The following LRRC4C variants were observed in gnomAD, a reference collection of about 807,000 sequenced individuals.
LRRC4C encodes leucine rich repeat containing 4C.
A neutral mutation model predicts 33.6 loss-of-function variants in LRRC4C; 5 were observed. The observed-to-expected ratio is 0.15, with a 90% CI of 0.08 to 0.31. The LOEUF (loss-of-function observed/expected upper bound fraction) is 0.31, where lower values mean the gene tolerates loss of function less well. LRRC4C is among the 10% of genes least tolerant of loss of function. The pLI is 1.00. For missense variants in LRRC4C, 560 were observed against 796.7 expected (o/e 0.70, Z 3.58); for synonymous variants, 329 against 302.0 (o/e 1.09, Z -0.93).
chr11:40,597,898 C>G (rs947031553), intron 3 of LRRC4C, among the ~76,000 whole-genome samples: 1 of 152,132 alleles, frequency 6.6e-6, no homozygotes, highest in African/African-American at 2.4e-5. Flanking sequence ...ATTTTTGGCC[C>G]TGAAAATGTT....
At chr11:40,318,622 T>G in intron 4 of LRRC4C, among the ~76,000 whole-genome samples, 1 of 152,184 alleles carries the variant, frequency 6.6e-6, no homozygotes, top group South Asian at 2.1e-4. Flanking sequence ...TAAATCCATG[T>G]ACACGGGTTG....
intron 1 of LRRC4C, among the ~76,000 whole-genome samples, chr11:41,129,444 G>A (rs11036249): frequency 0.26 from 39,361 of 151,628 alleles, 5,495 homozygotes; most frequent in East Asian, 0.47. Context: ...TTTTAGAAAA[G>A]CACTTTTTCA....
chr11:40,434,711 A>T (rs949241779), intron 3 of LRRC4C, among the ~76,000 whole-genome samples: 1 of 152,196 alleles, frequency 6.6e-6, no homozygotes, highest in Non-Finnish European at 1.5e-5. Context: ...AACACAATAG[A>T]ACTCTATAGC....
intron 1 of LRRC4C, among the ~76,000 whole-genome samples, chr11:41,027,414 G>T (rs887809100): frequency 6.6e-6 from 1 of 151,548 alleles, no homozygotes; most frequent in African/African-American, 2.4e-5. Context: ...CAATTAAAAT[G>T]CTAATTAAAA....
At chr11:41,319,831 A>G (rs954911019) in intron 1 of LRRC4C, among the ~76,000 whole-genome samples, 1 of 152,200 alleles carries the variant, frequency 6.6e-6, no homozygotes, top group African/African-American at 2.4e-5. Flanking sequence ...GATTACAGAC[A>G]TGAGACACCA....
chr11:40,301,727 C>T (rs570519380), intron 4 of LRRC4C, among the ~76,000 whole-genome samples: 4 of 152,292 alleles, frequency 2.6e-5, no homozygotes, highest in Admixed American at 1.3e-4. Flanking sequence ...GATTTCAAAA[C>T]TGAGTTCTCT....
chr11:41,340,332 A>G (rs1214492494), intron 1 of LRRC4C, among the ~76,000 whole-genome samples: 4 of 152,176 alleles, frequency 2.6e-5, no homozygotes, highest in African/African-American at 9.6e-5. Context: ...AATCTTATGT[A>G]TTTCAATTTT....
chr11:40,422,539 G>T (rs1950556707), intron 3 of LRRC4C, among the ~76,000 whole-genome samples: 1 of 152,066 alleles, frequency 6.6e-6, no homozygotes, highest in Non-Finnish European at 1.5e-5. Context: ...ATCTTTGCAT[G>T]GGATAACTGT....
intron 6 of LRRC4C, among the ~76,000 whole-genome samples, chr11:40,136,944 C>T (rs1234882908): frequency 6.6e-6 from 1 of 152,124 alleles, no homozygotes; most frequent in Non-Finnish European, 1.5e-5. Context: ...TAAGATTCTT[C>T]CAAAGATAAC....
At chr11:40,555,521 T>C (rs1957299707) in intron 3 of LRRC4C, among the ~76,000 whole-genome samples, 1 of 152,216 alleles carries the variant, frequency 6.6e-6, no homozygotes. Flanking sequence ...CTCACTCAGA[T>C]GCAGACTCTC....
chr11:40,831,485 A>G (rs1025206225), intron 2 of LRRC4C, among the ~76,000 whole-genome samples: 1 of 152,194 alleles, frequency 6.6e-6, no homozygotes, highest in African/African-American at 2.4e-5. Context: ...TAATACAAAA[A>G]TAAATAATTA....
At chr11:41,272,796 A>C (rs984408041) in intron 1 of LRRC4C, among the ~76,000 whole-genome samples, 1 of 152,152 alleles carries the variant, frequency 6.6e-6, no homozygotes, top group African/African-American at 2.4e-5. Context: ...CCTTAATCAG[A>C]AATGTTAACA....
chr11:40,814,644 T>A (rs1951633706), intron 2 of LRRC4C, among the ~76,000 whole-genome samples: 1 of 151,664 alleles, frequency 6.6e-6, no homozygotes, highest in Non-Finnish European at 1.5e-5. Context: ...ATCTGCAAAT[T>A]TTTCAGACTT....
chr11:41,184,754 T>C (rs910944282), intron 1 of LRRC4C, among the ~76,000 whole-genome samples: 30 of 151,264 alleles, frequency 2.0e-4, no homozygotes, highest in African/African-American at 7.0e-4. Flanking sequence ...CTGGTACCAA[T>C]TTACTTTATT....
At chr11:40,660,612 G>A (rs1943383223) in intron 2 of LRRC4C, among the ~76,000 whole-genome samples, 1 of 152,126 alleles carries the variant, frequency 6.6e-6, no homozygotes, top group Non-Finnish European at 1.5e-5. Context: ...ATATGTCACA[G>A]AGCAAGTATG....
intron 2 of LRRC4C, among the ~76,000 whole-genome samples, chr11:40,675,292 A>C (rs1393340308): frequency 3.3e-5 from 5 of 152,194 alleles, no homozygotes; most frequent in Admixed American, 1.3e-4. Context: ...AAAGAAAAGA[A>C]TTTGAAACTC....
intron 5 of LRRC4C, among the ~76,000 whole-genome samples, chr11:40,232,313 A>T (rs1327233372): frequency 6.6e-6 from 1 of 152,136 alleles, no homozygotes; most frequent in Non-Finnish European, 1.5e-5. Flanking sequence ...GCCAAAGTCA[A>T]CATTTTTATA....
chr11:40,746,502 T>G (rs149042561), intron 2 of LRRC4C, among the ~76,000 whole-genome samples: 2 of 152,286 alleles, frequency 1.3e-5, no homozygotes, highest in Non-Finnish European at 2.9e-5. Flanking sequence ...TCAATTTATT[T>G]GCCTAGTCAG....
intron 1 of LRRC4C, among the ~76,000 whole-genome samples, chr11:41,308,218 C>T (rs1238969212): frequency 1.3e-5 from 2 of 152,156 alleles, no homozygotes; most frequent in African/African-American, 4.8e-5. Context: ...ATGTTACTTC[C>T]AAAGGTTAAA....
Sources: allele counts gnomAD v4.1 joint callset (sites outside exome capture counted in the v4.1 genomes callset), GRCh38; gene constraint gnomAD v4.1.1; transcripts MANE v1.5; gene names NCBI Gene and HGNC (gene_info 2026-07-23, HGNC 2026-07-21).